The following FAM83B variants were observed in gnomAD, a reference collection of about 807,000 sequenced individuals.
FAM83B encodes the protein protein FAM83B.
Under a neutral mutation model 38.8 loss-of-function variants are expected in FAM83B, and 26 were observed. The ratio of observed to expected loss-of-function variants is 0.67; its 90% confidence interval spans 0.49 to 0.93. FAM83B has a LOEUF of 0.93. Among genes scored for constraint, FAM83B ranks in the 40% least tolerant of loss-of-function variants. The probability of loss-of-function intolerance (pLI) is 0.00; values close to 1 mark genes in which losing one functional copy is unlikely to be tolerated. For synonymous variants in FAM83B, 419 were observed against 423.1 expected, an observed-to-expected ratio of 0.99 and a Z score of 0.12; for missense variants, 1,237 against 1,197.3, an observed-to-expected ratio of 1.03 and a Z score of -0.49.
intron 2 of FAM83B, among the ~76,000 whole-genome samples, chr6:54,875,502 C>G (rs530128663): frequency 5.9e-5 from 9 of 152,090 alleles, no homozygotes; most frequent in Non-Finnish European, 8.8e-5. Flanking sequence ...TAATATTTTG[C>G]TTAGTCAAAT....
At chr6:54,920,817 T>C (rs1414518152) in intron 2 of FAM83B, among the ~76,000 whole-genome samples, 2 of 151,922 alleles carry the variant, frequency 1.3e-5, no homozygotes, top group East Asian at 3.9e-4. Context: ...CTTAGATATT[T>C]TCAGTATGCG....
At chr6:54,874,028 A>G (rs537445133) in intron 2 of FAM83B, among the ~76,000 whole-genome samples, 3 of 152,200 alleles carry the variant, frequency 2.0e-5, no homozygotes, top group East Asian at 1.9e-4. Flanking sequence ...ATGATTCTCA[A>G]TCTCAACTGT....
intron 2 of FAM83B, among the ~76,000 whole-genome samples, chr6:54,908,377 C>T (rs557407811): frequency 6.6e-6 from 1 of 151,858 alleles, no homozygotes; most frequent in African/African-American, 2.4e-5. Flanking sequence ...GAGAGTTATT[C>T]CTAAAGTATC....
chr6:54,895,357 G>A lies in FAM83B; in HGVS notation c.444+24667G>A, dbSNP rs146712322. On this transcript the variant is annotated intron_variant, in intron 2 of 4. Coordinates refer to ENST00000306858, the MANE Select transcript of FAM83B (RefSeq NM_001010872.3). ...CCTCAGTCTTTATTATTTTAGCCTT[G>A]CATAAAATTCTATTATACCTCCGTG... is the stretch of plus-strand genomic sequence containing the variant. Among the ~76,000 whole-genome samples the A allele has an allele frequency of 2.5e-3, 379 of 152,244 alleles. 2 individuals are homozygous for A. Among genetic ancestry groups the A allele is most frequent in the African/African-American group, 8.6e-3 (359 of 41,538 alleles).
chr6:54,862,273 T>G (rs1408247105), intron 1 of FAM83B, among the ~76,000 whole-genome samples: 1 of 152,184 alleles, frequency 6.6e-6, no homozygotes. Flanking sequence ...TCTATTCAGA[T>G]TATATGACCA....
intron 4 of FAM83B, among the ~76,000 whole-genome samples, chr6:54,938,563 G>T (rs1359737115): frequency 6.6e-6 from 1 of 152,046 alleles, no homozygotes; most frequent in Non-Finnish European, 1.5e-5. Context: ...GGCCATACTT[G>T]CTGGAGTAAA....
At chr6:54,915,794 C>T (rs1773022001) in intron 2 of FAM83B, among the ~76,000 whole-genome samples, 1 of 67,532 alleles carries the variant, frequency 1.5e-5, no homozygotes, top group Admixed American at 2.0e-4. Flanking sequence ...GCCTGGGCGA[C>T]AGAGCGAGAC....
chr6:54,911,079 C>T, intron 2 of FAM83B, among the ~76,000 whole-genome samples: 1 of 151,532 alleles, frequency 6.6e-6, no homozygotes, highest in East Asian at 1.9e-4. Flanking sequence ...TGTTTTCTAT[C>T]ATTTTTCTCC....
chr6:54,876,298 TATATATATATATATATATATA>T (rs1771993447), intron 2 of FAM83B, among the ~76,000 whole-genome samples: 1 of 48,700 alleles, frequency 2.1e-5, no homozygotes, highest in Non-Finnish European at 4.7e-5. Flanking sequence ...TATATATATA[TATATATATATATATATATATA>T]TGTTTTTGTT....
At chr6:54,867,362 T>A (rs1771735884) in intron 1 of FAM83B, among the ~76,000 whole-genome samples, 1 of 151,982 alleles carries the variant, frequency 6.6e-6, no homozygotes, top group African/African-American at 2.4e-5. Flanking sequence ...TAAAATTCAT[T>A]TATAGATGGT....
chr6:54,869,114 A>G (rs1771783923), intron 1 of FAM83B, among the ~76,000 whole-genome samples: 1 of 152,200 alleles, frequency 6.6e-6, no homozygotes, highest in African/African-American at 2.4e-5. Context: ...TTCTGTGGGC[A>G]TTGTGAGAGA....
intron 2 of FAM83B, among the ~76,000 whole-genome samples, chr6:54,889,574 AC>A (rs1772356194): frequency 6.6e-6 from 1 of 152,112 alleles, no homozygotes; most frequent in African/African-American, 2.4e-5. Flanking sequence ...CTTCCTGAAT[AC>A]TTTAAATCAT....
intron 2 of FAM83B, among the ~76,000 whole-genome samples, chr6:54,884,299 TAAAAA>T (rs70983475): frequency 1.2e-5 from 1 of 82,298 alleles, no homozygotes; most frequent in African/African-American, 5.5e-5. Context: ...AGACCCCGTC[TAAAAA>T]AAAAAAAAAA....
chr6:54,927,165 A>G (rs1773313060), intron 3 of FAM83B, among the ~76,000 whole-genome samples: 1 of 152,130 alleles, frequency 6.6e-6, no homozygotes, highest in African/African-American at 2.4e-5. Context: ...CATTTCACGT[A>G]GTATTTTCTG....
chr6:54,940,216 T>A lies in FAM83B; in HGVS notation c.1245T>A (p.Asn415Lys). 6.2e-7 allele frequency: 1 copy of A among 1,614,056 alleles called. No homozygotes were observed. Among genetic ancestry groups the A allele is most frequent in the Non-Finnish European group, 8.5e-7 (1 of 1,180,002 alleles). The change falls in exon 5 of 5, where the codon AAT becomes AAA. Residue 415 changes from asparagine (N) to lysine (K), a missense_variant. Transcript: ENST00000306858. ...ALNRTNNPPG[N>K]WKKPSDSLSV... ...ATAGAACCAATAATCCACCTGGTAA[T>A]TGGAAAAAGCCATCTGATAGTCTCA...
intron 2 of FAM83B, among the ~76,000 whole-genome samples, chr6:54,905,211 C>T (rs1337896169): frequency 6.6e-6 from 1 of 152,138 alleles, no homozygotes; most frequent in East Asian, 1.9e-4. Flanking sequence ...CTGTTGGCCC[C>T]TGCTGTTCTG....
rs943059814 is a variant in FAM83B at position 54,944,207 on chromosome 6, T to C, written c.*2200T>C. On this transcript the variant is annotated 3_prime_UTR_variant, in exon 5 of 5. Coordinates refer to ENST00000306858, the MANE Select transcript of FAM83B (RefSeq NM_001010872.3). ...AATACTTCAAAAAATGTACAGCTAC[T>C]GTTTAAGTTTTAAACAGACACCATC... 1.3e-5 allele frequency: 2 copies of C among 152,238 alleles called. No individual in the cohort carries two copies. Among genetic ancestry groups the C allele is most frequent in the African/African-American group, 4.8e-5 (2 of 41,470 alleles). 9.4% of individuals were successfully genotyped at this position (152,238 alleles called of 1,614,324 possible). A position where few individuals can be genotyped will look rare whatever the true frequency, so the allele number is the denominator to read the frequency against.
chr6:54,873,036 T>C (rs1771897800), intron 2 of FAM83B, among the ~76,000 whole-genome samples: 1 of 151,686 alleles, frequency 6.6e-6, no homozygotes, highest in South Asian at 2.1e-4. Context: ...TTATTTTTTG[T>C]TTTTAACACA....
chr6:54,868,233 G>A (rs1400579127), intron 1 of FAM83B, among the ~76,000 whole-genome samples: 1 of 152,094 alleles, frequency 6.6e-6, no homozygotes, highest in Non-Finnish European at 1.5e-5. Context: ...TTTTGGGTGG[G>A]ATTATTTCTA....
Sources: gnomAD v4.1 joint callset for allele counts (sites outside exome capture counted in the v4.1 genomes callset) on GRCh38, gnomAD v4.1.1 for gene constraint, MANE v1.5 for transcripts, NCBI Gene and HGNC (gene_info 2026-07-23, HGNC 2026-07-21) for gene names.